ACP3: variants seen among roughly 807,000 people sequenced by gnomAD.
ACP3 encodes the protein acid phosphatase 3, also known as prostatic acid phosphatase.
A neutral mutation model predicts 45.6 loss-of-function variants in ACP3; 38 were observed. The observed-to-expected ratio is 0.83, with a 90% CI of 0.64 to 1.09. ACP3 has a LOEUF of 1.09. Among genes scored for constraint, ACP3 ranks in the 50% least tolerant of loss-of-function variants. The pLI is 0.00. For missense variants in ACP3, 466 were observed against 463.2 expected (o/e 1.01, Z -0.05); for synonymous variants, 162 against 164.7 (o/e 0.98, Z 0.13).
At chr3:132,324,922 T>G (rs1350856551) in intron 1 of ACP3, among the ~76,000 whole-genome samples, 1 of 152,226 alleles carries the variant, frequency 6.6e-6, no homozygotes, top group Non-Finnish European at 1.5e-5. Context: ...ATTATAGGCA[T>G]GAGCCACTGT....
chr3:132,317,974 T>C (rs2107789083), intron 1 of ACP3, among the ~76,000 whole-genome samples: 1 of 152,352 alleles, frequency 6.6e-6, no homozygotes, highest in Non-Finnish European at 1.5e-5. Flanking sequence ...AACAGTCATT[T>C]TCTGAATTAA....
At chr3:132,331,562 GA>G (rs373257101) in intron 2 of ACP3, 84 bp from the exon 3 acceptor site, 60,880 of 980,320 alleles carry the variant, frequency 0.062, 1,825 homozygotes, top group African/African-American at 0.11. Context: ...CACACATAAT[GA>G]AAAAAAAAAT....
At chr3:132,324,638 T>A (rs1363540303) in intron 1 of ACP3, among the ~76,000 whole-genome samples, 2 of 152,224 alleles carry the variant, frequency 1.3e-5, no homozygotes, top group South Asian at 2.1e-4. Flanking sequence ...TTATTATTTT[T>A]TTTTATTTTT....
chr3:132,363,503 G>A (rs1473236824), downstream of ACP3, among the ~76,000 whole-genome samples: 4 of 152,214 alleles, frequency 2.6e-5, no homozygotes, highest in East Asian at 7.7e-4. Flanking sequence ...TGCATCTCTT[G>A]AATTCCCTCC....
Position 132,357,066 on chromosome 3 carries a change from A to T in ACP3, c.*188A>T, listed in dbSNP as rs1383365796. The stretch of plus-strand genomic sequence containing the variant: ...ACCTGACCCTGCCCCCACTTGCCAT[A>T]AAACTTAGCTAAGTTTTGTTTTGTT... On this transcript the variant is annotated 3_prime_UTR_variant, in exon 10 of 10. Coordinates refer to ENST00000336375, the MANE Select transcript of ACP3 (RefSeq NM_001099.5). The T allele has an allele frequency of 7.5e-7, 1 of 1,340,802 alleles. No individual in the cohort carries two copies. The highest frequency in any genetic ancestry group is 9.5e-7 in the Non-Finnish European group (1 of 1,048,174). 83.1% of individuals were successfully genotyped at this position (1,340,802 alleles called of 1,614,324 possible).
At chr3:132,326,685 C>G (rs1937303976) in intron 1 of ACP3, among the ~76,000 whole-genome samples, 2 of 152,290 alleles carry the variant, frequency 1.3e-5, no homozygotes, top group Admixed American at 1.3e-4. Flanking sequence ...AATTCCTTCT[C>G]AAAAATGACT....
Position 132,357,291 on chromosome 3 carries a change from AC to A in ACP3, c.*417del. The A allele has an allele frequency of 1.0e-6, 1 of 986,832 alleles. No individual in the cohort carries two copies. 61.1% of individuals were successfully genotyped at this position (986,832 alleles called of 1,614,324 possible). On this transcript the variant is annotated 3_prime_UTR_variant, in exon 10 of 10. Coordinates refer to ENST00000336375, the MANE Select transcript of ACP3 (RefSeq NM_001099.5). The stretch of plus-strand genomic sequence containing the variant: ...GAAATGGAACAGATTTCAAAAAAAA[AC>A]CCCACAATCTAGGATGGGAACAAGG...
At chr3:132,317,718 G>C (rs1937135568) in intron 1 of ACP3, 142 bp downstream of exon 1, 5 of 975,606 alleles carry the variant, frequency 5.1e-6, no homozygotes, top group Non-Finnish European at 6.9e-6. Flanking sequence ...GAATAATCAA[G>C]TTTTGCAAGT....
At chr3:132,331,598 T>G in intron 2 of ACP3, 49 bp from the exon 3 acceptor site, 1 of 1,440,598 alleles carries the variant, frequency 6.9e-7, no homozygotes, top group South Asian at 1.3e-5. Flanking sequence ...GATAGTGTGA[T>G]TCATAGAACT....
At chr3:132,359,505 C>CTAAATAAATAAA (rs151183478), downstream of ACP3, among the ~76,000 whole-genome samples, 10 of 151,480 alleles carry the variant, frequency 6.6e-5, no homozygotes, top group African/African-American at 2.4e-4. Context: ...GAGACTCTGT[C>CTAAATAAATAAA]TAAATAAATA....
chr3:132,350,101 C>T, intron 8 of ACP3, 99 bp downstream of exon 8: 3 of 800,178 alleles, frequency 3.7e-6, no homozygotes, highest in South Asian at 3.2e-5. Context: ...TCCCCATCTC[C>T]TTGTACGTGG....
chr3:132,349,886 G>T, intron 7 of ACP3, 34 bp from the exon 8 acceptor site: 1 of 1,426,888 alleles, frequency 7.0e-7, no homozygotes, highest in Non-Finnish European at 9.9e-7. Flanking sequence ...GCTTATGTTT[G>T]GTTCAGTTTG....
intron 9 of ACP3, 75 bp from the exon 10 acceptor site, chr3:132,356,611 C>T: frequency 1.2e-6 from 2 of 1,605,184 alleles, no homozygotes; most frequent in Non-Finnish European, 1.7e-6. Flanking sequence ...TGTAATAGTC[C>T]AAGTGGAAAG....
Position 132,358,785 on chromosome 3 carries a change from A to G in ACP3, c.*1907A>G. The G allele has an allele frequency of 1.0e-6, 1 of 986,942 alleles. No individual in the cohort carries two copies. Among genetic ancestry groups the G allele is most frequent in the South Asian group, 4.7e-5 (1 of 21,442 alleles). 61.1% of individuals were successfully genotyped at this position (986,942 alleles called of 1,614,324 possible). A position where few individuals can be genotyped will look rare whatever the true frequency, so the allele number is the denominator to read the frequency against. On this transcript the variant is annotated 3_prime_UTR_variant, in exon 10 of 10. Transcript: ENST00000336375. ...AGCATTGCTTTTATAATGAACTTAG[A>G]AAAACGTATGTGTGTGTGTTTAATT...
In ACP3 at chr3:132,331,866, C is replaced by T. The variant is rs573339416; in HGVS notation, c.303+133C>T. The T allele has an allele frequency of 8.1e-6, 7 of 863,506 alleles. No individual in the cohort carries two copies. In the Admixed American group the frequency reaches 2.2e-4, roughly 27 times the overall value. The allele number at this position is 863,506 out of a possible 1,614,324, so 53.5% of individuals were successfully genotyped here. On this transcript the variant is annotated intron_variant, in intron 3 of 9. Transcript: ENST00000336375. ...AGGTCTTGTTTACAAATATATTCCT[C>T]TTTATGCAAATTTTTGTTCCAAAAA... is the stretch of plus-strand genomic sequence containing the variant.
At chr3:132,328,679 C>CAAAAAAAAAAAAAAAAAAAAAAAAAAAA (rs553521994) in intron 2 of ACP3, among the ~76,000 whole-genome samples, 1 of 70,258 alleles carries the variant, frequency 1.4e-5, no homozygotes, top group Non-Finnish European at 2.7e-5. Context: ...AACTCTATCT[C>CAAAAAAAAAAAAAAAAAAAAAAAAAAAA]AAAAAAAAAA....
At chr3:132,344,757 T>G (rs1446923158) in intron 6 of ACP3, among the ~76,000 whole-genome samples, 170 bp from the exon 7 acceptor site, 1 of 152,184 alleles carries the variant, frequency 6.6e-6, no homozygotes, top group Admixed American at 6.5e-5. Flanking sequence ...TAAGCTTTTC[T>G]TCTGAAAGTC....
intron 4 of ACP3, among the ~76,000 whole-genome samples, chr3:132,335,309 A>G (rs2107801441): frequency 6.6e-6 from 1 of 152,338 alleles, no homozygotes; most frequent in South Asian, 2.1e-4. Context: ...CTGGAGCCTC[A>G]GAGAATAACT....
chr3:132,330,781 G>A (rs1346978146), intron 2 of ACP3, among the ~76,000 whole-genome samples: 2 of 152,174 alleles, frequency 1.3e-5, no homozygotes, highest in Non-Finnish European at 2.9e-5. Flanking sequence ...CTGGATTAAA[G>A]ACAAACTTGA....
Sources: allele counts gnomAD v4.1 joint callset (sites outside exome capture counted in the v4.1 genomes callset), GRCh38; gene constraint gnomAD v4.1.1; transcripts MANE v1.5; gene names NCBI Gene and HGNC (gene_info 2026-07-23, HGNC 2026-07-21).